MOCOS: variants seen among roughly 807,000 people sequenced by gnomAD.
MOCOS encodes the protein molybdenum cofactor sulfurase.
In MOCOS, 86 loss-of-function variants were observed where a neutral mutation model predicts 83.6. The observed-to-expected ratio is 1.03, with a 90% CI of 0.86 to 1.23. The LOEUF (loss-of-function observed/expected upper bound fraction) is 1.23, where lower values mean the gene tolerates loss of function less well. Among genes scored for constraint, MOCOS ranks in the 50% most tolerant of loss-of-function variants. The pLI is 0.00. For missense variants in MOCOS, 1,120 were observed against 1,126.9 expected (o/e 0.99, Z 0.09); for synonymous variants, 445 against 434.7 (o/e 1.02, Z -0.29).
At chr18:36,230,249 C>A (rs186691936) in intron 9 of MOCOS, among the ~76,000 whole-genome samples, 6 of 151,968 alleles carry the variant, frequency 3.9e-5, no homozygotes, top group African/African-American at 1.5e-4. Flanking sequence ...CTACACCAGG[C>A]TAATTTTTTT....
intron 1 of MOCOS, 126 bp downstream of exon 1, chr18:36,187,807 C>A: frequency 9.5e-7 from 1 of 1,050,310 alleles, no homozygotes; most frequent in Non-Finnish European, 1.2e-6. Flanking sequence ...CCAGGAGGGA[C>A]GTGTCCACGC....
rs181309050 is a variant in MOCOS at position 36,272,061 on chromosome 18, A to G, written c.*3376A>G. ...AGATGTGATATAGTATGTTTAAGCT[A>G]TAGGATGGCAGGTGCATGAGTGTTG... On this transcript the variant is annotated 3_prime_UTR_variant, in exon 15 of 15. Coordinates refer to ENST00000261326, the MANE Select transcript of MOCOS (RefSeq NM_017947.4). 1 of 152,366 alleles carries G rather than the reference A, an allele frequency of 6.6e-6. No homozygotes were observed. Among genetic ancestry groups the G allele is most frequent in the East Asian group, 1.9e-4 (1 of 5,194 alleles). 9.4% of individuals were successfully genotyped at this position (152,366 alleles called of 1,614,324 possible). A position where few individuals can be genotyped will look rare whatever the true frequency, so the allele number is the denominator to read the frequency against.
chr18:36,188,297 G>T (rs1568045692), intron 1 of MOCOS, among the ~76,000 whole-genome samples: 1 of 152,378 alleles, frequency 6.6e-6, no homozygotes, highest in East Asian at 1.9e-4. Flanking sequence ...TGGGGGACTA[G>T]AAGAATTAGC....
intron 9 of MOCOS, among the ~76,000 whole-genome samples, chr18:36,231,392 G>A (rs980244215): frequency 6.6e-6 from 1 of 152,012 alleles, no homozygotes; most frequent in East Asian, 1.9e-4. Context: ...AATTATTCTT[G>A]TTCAAGTTCA....
chr18:36,215,874 C>G lies in MOCOS; in HGVS notation c.1694C>G (p.Pro565Arg). 6.2e-7 allele frequency: 1 copy of G among 1,614,200 alleles called. No homozygotes were observed. Among genetic ancestry groups the G allele is most frequent in the Non-Finnish European group, 8.5e-7 (1 of 1,180,022 alleles). Residue 565 changes from proline to arginine, a missense_variant, in exon 8 of 15, where the codon CCG becomes CGG. By Grantham distance (103) the Pro-to-Arg change is moderately radical. Coordinates refer to ENST00000261326, the MANE Select transcript of MOCOS (RefSeq NM_017947.4). Reference protein sequence around the residue: ...PPVCDVARTQPTPSEKAAGVL... With the variant: ...PPVCDVARTQRTPSEKAAGVL... ...GTGTGTGATGTCGCCAGAACCCAGC[C>G]GACTCCTTCAGAGAAAGCTGCAGGA...
chr18:36,201,613 G>A (rs2091414890), intron 4 of MOCOS, among the ~76,000 whole-genome samples: 1 of 123,630 alleles, frequency 8.1e-6, no homozygotes, highest in Non-Finnish European at 1.6e-5. Flanking sequence ...AATGAGTCAA[G>A]ATCATACCCA....
Position 36,255,284 on chromosome 18 carries a change from A to T in MOCOS, c.2165-1684A>T, listed in dbSNP as rs561179470. 2.6e-5 allele frequency among the ~76,000 whole-genome samples: 4 copies of T among 152,240 alleles called. No individual in the cohort carries two copies. In the South Asian group the frequency reaches 8.3e-4, roughly 32 times the overall value. On this transcript the variant is annotated intron_variant, in intron 11 of 14. Coordinates refer to ENST00000261326, the MANE Select transcript of MOCOS (RefSeq NM_017947.4). ...GTTTCGTTAGTGCAGTGTCACTCAA[A>T]CCTTGCTTCTGAAGTATGTGACCGA...
chr18:36,217,151 T>C (rs181010887), intron 8 of MOCOS, among the ~76,000 whole-genome samples: 55 of 152,304 alleles, frequency 3.6e-4, no homozygotes, highest in Admixed American at 6.5e-4. Flanking sequence ...ATCAGGTCAA[T>C]GGTAATTCCT....
At chr18:36,191,040 A>AAAAAAAAAAG (rs1555650788) in intron 1 of MOCOS, among the ~76,000 whole-genome samples, 37 of 146,528 alleles carry the variant, frequency 2.5e-4, no homozygotes, top group African/African-American at 7.8e-4. Flanking sequence ...AAGAAAAAGA[A>AAAAAAAAAAG]AAAAAAGTGT....
chr18:36,263,579 T>G (rs2091671500), intron 13 of MOCOS, among the ~76,000 whole-genome samples: 2 of 152,176 alleles, frequency 1.3e-5, no homozygotes, highest in Admixed American at 1.3e-4. Context: ...CACAGTTGTA[T>G]GCAGTTACAT....
In MOCOS at chr18:36,205,249, C is replaced by T. The variant is rs776606970; in HGVS notation, c.1191C>T (p.Asp397=). 3.7e-6 allele frequency: 6 copies of T among 1,613,808 alleles called. No individual in the cohort carries two copies. Among genetic ancestry groups the T allele is most frequent in the Non-Finnish European group, 4.2e-6 (5 of 1,179,990 alleles). The change falls in exon 6 of 15, where the codon GAC becomes GAT. Residue 397 remains aspartate (D), a synonymous_variant. Coordinates refer to ENST00000261326, the MANE Select transcript of MOCOS (RefSeq NM_017947.4). ...GPIINFNVLD[D]KGNIIGYSQV... is the part of the protein sequence containing the mutation. ...TCATCAATTTTAATGTGCTGGATGACAAAGGGAACATCATTGGTTACTCCC... is the reference window on the plus strand; with the variant it reads ...TCATCAATTTTAATGTGCTGGATGATAAAGGGAACATCATTGGTTACTCCC...
At chr18:36,223,004 A>G (rs1379138194) in intron 9 of MOCOS, among the ~76,000 whole-genome samples, 2 of 152,224 alleles carry the variant, frequency 1.3e-5, no homozygotes, top group African/African-American at 4.8e-5. Flanking sequence ...TTTTTCAGAT[A>G]AATGGTTTGA....
chr18:36,216,516 C>T (rs890195311), intron 8 of MOCOS, among the ~76,000 whole-genome samples: 27 of 152,056 alleles, frequency 1.8e-4, no homozygotes, highest in Non-Finnish European at 3.5e-4. Context: ...ACACAGGAAT[C>T]CATGAGTCCA....
intron 5 of MOCOS, 59 bp from the exon 6 acceptor site, chr18:36,205,018 A>ATTGAATT: frequency 3.7e-6 from 4 of 1,068,982 alleles, no homozygotes; most frequent in Non-Finnish European, 5.6e-6. Flanking sequence ...AAAAAAAAAG[A>ATTGAATT]GTGAATTGAG....
In MOCOS at chr18:36,196,124, A is replaced by G. The variant is rs905253106; in HGVS notation, c.232+778A>G. Among the ~76,000 whole-genome samples the G allele has an allele frequency of 2.6e-5, 4 of 152,344 alleles. No individual in the cohort carries two copies. The South Asian group carries it at 8.3e-4, about 32-fold the overall frequency. On this transcript the variant is annotated intron_variant, in intron 2 of 14. Transcript: ENST00000261326. The stretch of plus-strand genomic sequence containing the variant: ...GGAGGGAGGGAGAAGAAGCCAGTGC[A>G]GGGCATTGTAGATGCTTGATCTTTG...
At chr18:36,234,213 G>A (rs543277411) in intron 9 of MOCOS, among the ~76,000 whole-genome samples, 2 of 152,268 alleles carry the variant, frequency 1.3e-5, no homozygotes, top group South Asian at 4.1e-4. Context: ...TTTGTATAAG[G>A]TGAGAGATAA....
At chr18:36,240,670 G>C (rs938381765) in intron 9 of MOCOS, among the ~76,000 whole-genome samples, 3 of 152,118 alleles carry the variant, frequency 2.0e-5, no homozygotes, top group Non-Finnish European at 2.9e-5. Context: ...CACCCAGTTC[G>C]AGCTTCCCAG....
chr18:36,255,724 A>G (rs585927), intron 11 of MOCOS, among the ~76,000 whole-genome samples: 64,693 of 151,868 alleles, frequency 0.43, 14,274 homozygotes, highest in Admixed American at 0.55. Context: ...TTTGGAAACA[A>G]CTCAGTAGGT....
chr18:36,220,312 C>T lies in MOCOS; in HGVS notation c.1960+95C>T, dbSNP rs536791192. ...ACCAAGTGTTAGAATAACCCATCAG[C>T]CTGGGCAATACAGTGAGACCTCATC... On this transcript the variant is annotated intron_variant, in intron 9 of 14. Coordinates refer to ENST00000261326, the MANE Select transcript of MOCOS (RefSeq NM_017947.4). 12 of 1,500,272 alleles carry T rather than the reference C, an allele frequency of 8.0e-6. No individual in the cohort carries two copies. In the East Asian group the frequency reaches 2.6e-4, roughly 33 times the overall value. 92.9% of individuals were successfully genotyped at this position (1,500,272 alleles called of 1,614,324 possible). A position where few individuals can be genotyped will look rare whatever the true frequency, so the allele number is the denominator to read the frequency against.
Sources: allele counts gnomAD v4.1 joint callset (sites outside exome capture counted in the v4.1 genomes callset), GRCh38; gene constraint gnomAD v4.1.1; transcripts MANE v1.5; gene names NCBI Gene and HGNC (gene_info 2026-07-23, HGNC 2026-07-21).